The following SELENOT variants were observed in gnomAD, a reference collection of about 807,000 sequenced individuals.
SELENOT encodes the protein selenoprotein T.
A neutral mutation model predicts 24.3 loss-of-function variants in SELENOT; 9 were observed. The observed-to-expected ratio is 0.37, with a 90% CI of 0.22 to 0.65. The LOEUF is 0.65. SELENOT is among the 30% of genes least tolerant of loss of function. The pLI is 0.60. For missense variants in SELENOT, 166 were observed against 247.6 expected, an observed-to-expected ratio of 0.67 and a Z score of 2.21; for synonymous variants, 81 against 86.0, an observed-to-expected ratio of 0.94 and a Z score of 0.32.
intron 1 of SELENOT, chr3:150,611,734 C>T (rs1485841940): frequency 6.6e-6 from 10 of 1,518,702 alleles, no homozygotes; most frequent in Middle Eastern, 1.8e-4. Context: ...GCCAGGAGCC[C>T]GGCCTGGCCG....
At chr3:150,619,617 C>T (rs1726296255) in intron 1 of SELENOT, among the ~76,000 whole-genome samples, 1 of 152,176 alleles carries the variant, frequency 6.6e-6, no homozygotes, top group Non-Finnish European at 1.5e-5. Context: ...GCAGCTGATG[C>T]AGCATTTTTA....
At chr3:150,619,688 A>G (rs1304029266) in intron 1 of SELENOT, among the ~76,000 whole-genome samples, 3 of 152,226 alleles carry the variant, frequency 2.0e-5, no homozygotes, top group African/African-American at 7.2e-5. Flanking sequence ...CATTGACCCA[A>G]AAAGAGTGGA....
intron 1 of SELENOT, among the ~76,000 whole-genome samples, chr3:150,612,515 C>T (rs1208465480): frequency 6.6e-6 from 1 of 152,202 alleles, no homozygotes; most frequent in Non-Finnish European, 1.5e-5. Context: ...TATTCTGGAT[C>T]TGCCACCTAT....
At chr3:150,625,388 A>C (rs1278767005) in intron 4 of SELENOT, among the ~76,000 whole-genome samples, 1 of 152,100 alleles carries the variant, frequency 6.6e-6, no homozygotes, top group African/African-American at 2.4e-5. Flanking sequence ...TGATACCATC[A>C]TTTGTCTACT....
chr3:150,625,757 A>G (rs1481709417), intron 4 of SELENOT, among the ~76,000 whole-genome samples: 1 of 152,206 alleles, frequency 6.6e-6, no homozygotes, highest in Non-Finnish European at 1.5e-5. Flanking sequence ...TCTTTATATT[A>G]TATAAGTACC....
intron 1 of SELENOT, among the ~76,000 whole-genome samples, chr3:150,613,664 A>T (rs1279257808): frequency 9.5e-6 from 1 of 105,074 alleles, no homozygotes; most frequent in East Asian, 3.9e-4. Flanking sequence ...GAAGATGGGA[A>T]CTTTTTTTTT....
chr3:150,604,200 G>T (rs1021981539), intron 1 of SELENOT, among the ~76,000 whole-genome samples: 1 of 152,214 alleles, frequency 6.6e-6, no homozygotes, highest in African/African-American at 2.4e-5. Context: ...GGAGTTGCCT[G>T]CTCTGGCATC....
intron 4 of SELENOT, among the ~76,000 whole-genome samples, chr3:150,625,266 T>C (rs1481633638): frequency 6.6e-6 from 1 of 152,118 alleles, no homozygotes; most frequent in Non-Finnish European, 1.5e-5. Flanking sequence ...TAAAATGCTA[T>C]GCTGAAGAAT....
chr3:150,604,081 G>C (rs1333048532), intron 1 of SELENOT, among the ~76,000 whole-genome samples: 1 of 152,200 alleles, frequency 6.6e-6, no homozygotes, highest in East Asian at 1.9e-4. Context: ...GTGGAAGGAA[G>C]GTCTGGGGAT....
Position 150,603,380 on chromosome 3 carries a change from TCTC to T in SELENOT, c.21_23del (p.Leu8del). ...CATTTAAGATGAGGCTTCTGCTGCT[TCTC>T]CTAGTGGCGGCGTCTGCGATGGTCC... On this transcript the variant is annotated inframe_deletion, in exon 1 of 6. Coordinates refer to ENST00000471696, the MANE Select transcript of SELENOT (RefSeq NM_016275.5). 11 of 1,612,968 alleles carry T rather than the reference TCTC, an allele frequency of 6.8e-6. No homozygotes were observed. Among genetic ancestry groups the T allele is most frequent in the Non-Finnish European group, 9.3e-6 (11 of 1,179,170 alleles).
At chr3:150,624,711 G>A in intron 3 of SELENOT, 101 bp from the exon 4 acceptor site, 2 of 655,208 alleles carry the variant, frequency 3.1e-6, no homozygotes, top group Non-Finnish European at 5.1e-6. Flanking sequence ...TGAACATATG[G>A]AATAGCAGTA....
chr3:150,627,099 G>A lies in SELENOT; in HGVS notation c.553G>A (p.Val185Met), dbSNP rs1559899739. Reference sequence around the variant, plus strand: ...TCTTGACAATGAAATGAAGCTCAATGTGCATATGGATTCAATCCCACACCA... The same window carrying A: ...TCTTGACAATGAAATGAAGCTCAATATGCATATGGATTCAATCCCACACCA... ...QILDNEMKLN[V>M]HMDSIPHHRS The change falls in exon 5 of 6, where the codon GTG (valine) becomes ATG (methionine). Residue 185 changes from valine to methionine, a missense_variant. By Grantham distance (21) the Val-to-Met change is conservative. Coordinates refer to ENST00000471696, the MANE Select transcript of SELENOT (RefSeq NM_016275.5). The A allele has an allele frequency of 6.2e-7, 1 of 1,613,754 alleles. No homozygotes were observed. Among genetic ancestry groups the A allele is most frequent in the Admixed American group, 1.7e-5 (1 of 60,018 alleles).
At chr3:150,627,209 T>G in intron 5 of SELENOT, 46 bp downstream of exon 5, 1 of 1,401,756 alleles carries the variant, frequency 7.1e-7, no homozygotes, top group Non-Finnish European at 9.7e-7. Context: ...CTGTTGATTC[T>G]TATGACTCAG....
chr3:150,624,805 C>T lies in SELENOT; in HGVS notation c.376-7C>T. The T allele has an allele frequency of 1.3e-6, 2 of 1,524,018 alleles. No homozygotes were observed. Among genetic ancestry groups the T allele is most frequent in the Non-Finnish European group, 8.9e-7 (1 of 1,128,040 alleles). 94.4% of individuals were successfully genotyped at this position (1,524,018 alleles called of 1,614,324 possible). A position where few individuals can be genotyped will look rare whatever the true frequency, so the allele number is the denominator to read the frequency against. Reference sequence around the variant, plus strand: ...TGCCTGTTGTGCTTAATTATATTTTCTTTTAGGTTTATGCATGTATGATGG... The same window carrying T: ...TGCCTGTTGTGCTTAATTATATTTTTTTTTAGGTTTATGCATGTATGATGG... On this transcript the variant is annotated splice_region_variant and splice_polypyrimidine_tract_variant and intron_variant, in intron 3 of 5. Transcript: ENST00000471696.
intron 1 of SELENOT, among the ~76,000 whole-genome samples, chr3:150,619,295 G>C (rs1726288333): frequency 6.6e-6 from 1 of 151,396 alleles, no homozygotes; most frequent in African/African-American, 2.4e-5. Flanking sequence ...ACTTTGGGAA[G>C]CCGAGGCGGG....
intron 1 of SELENOT, among the ~76,000 whole-genome samples, chr3:150,605,836 T>C (rs905596671): frequency 8.5e-5 from 13 of 152,230 alleles, no homozygotes; most frequent in African/African-American, 3.1e-4. Context: ...AGGAAGCTAA[T>C]ACGTTTGAGG....
chr3:150,613,174 T>C (rs1195520210), intron 1 of SELENOT, among the ~76,000 whole-genome samples: 2 of 152,192 alleles, frequency 1.3e-5, no homozygotes, highest in Non-Finnish European at 2.9e-5. Context: ...GGCTGGGAAG[T>C]CCACTGTCAA....
Position 150,622,405 on chromosome 3 carries a change from G to A in SELENOT, c.158G>A (p.Arg53Gln), listed in dbSNP as rs1359762919. 6 of 1,467,378 alleles carry A rather than the reference G, an allele frequency of 4.1e-6. No homozygotes were observed. Among genetic ancestry groups the A allele is most frequent in the Non-Finnish European group, 5.5e-6 (6 of 1,096,364 alleles). 90.9% of individuals were successfully genotyped at this position (1,467,378 alleles called of 1,614,324 possible). A position where few individuals can be genotyped will look rare whatever the true frequency, so the allele number is the denominator to read the frequency against. Residue 53 changes from arginine (R) to glutamine (Q), a missense_variant, in exon 2 of 6, where the codon CGG becomes CAG. Around this residue, in one of 5 missense-constraint regions of SELENOT, gnomAD observed 71 missense variants for 89.2 expected, o/e 0.80. Transcript: ENST00000471696. Reference protein sequence around the residue: ...FQICVSUGYRRVFEEYMRVIS... With the variant: ...FQICVSUGYRQVFEEYMRVIS... The stretch of plus-strand genomic sequence containing the variant: ...TGCAGTGTTTCCTGAGGTTATAGGC[G>A]GGTGTTTGAGGAGTACATGCGGGTT...
At chr3:150,609,718 A>G (rs1726040037) in intron 1 of SELENOT, among the ~76,000 whole-genome samples, 1 of 152,174 alleles carries the variant, frequency 6.6e-6, no homozygotes, top group Non-Finnish European at 1.5e-5. Flanking sequence ...CATGGATAGT[A>G]TCTTACTTCA....
Sources: gnomAD v4.1 joint callset for allele counts (sites outside exome capture counted in the v4.1 genomes callset) on GRCh38, gnomAD v4.1.1 for gene constraint, gnomAD v4.1.1 regional missense constraint, MANE v1.5 for transcripts, NCBI Gene and HGNC (gene_info 2026-07-23, HGNC 2026-07-21) for gene names.